The following PARP8 variants were observed in gnomAD, a reference collection of about 807,000 sequenced individuals.
The protein encoded by PARP8 is protein mono-ADP-ribosyltransferase PARP8.
In PARP8, 51 loss-of-function variants were observed where a neutral mutation model predicts 124.1. The observed-to-expected ratio is 0.41, with a 90% CI of 0.33 to 0.52. The LOEUF is 0.52. Among genes scored for constraint, PARP8 ranks in the 20% least tolerant of loss-of-function variants. The pLI is 0.21. For missense variants in PARP8, 860 were observed against 1,018.9 expected (o/e 0.84, Z 2.12); for synonymous variants, 391 against 361.5 (o/e 1.08, Z -0.93).
chr5:50,787,107 C>T (rs1174206433), intron 9 of PARP8, among the ~76,000 whole-genome samples: 2 of 152,148 alleles, frequency 1.3e-5, no homozygotes, highest in Middle Eastern at 3.2e-3. Context: ...ATCCTTAACT[C>T]TTCTTTTTTT....
intron 2 of PARP8, among the ~76,000 whole-genome samples, chr5:50,708,820 C>T (rs1347425338): frequency 1.3e-5 from 2 of 151,784 alleles, no homozygotes; most frequent in African/African-American, 4.8e-5. Flanking sequence ...TCTTACCCGT[C>T]AACCAGGCTG....
intron 2 of PARP8, among the ~76,000 whole-genome samples, chr5:50,744,100 T>C (rs951172671): frequency 5.3e-5 from 8 of 152,214 alleles, no homozygotes; most frequent in African/African-American, 1.7e-4. Flanking sequence ...TTATGGGCCC[T>C]GCTTGTAAAA....
chr5:50,781,154 A>G (rs1463240394), intron 9 of PARP8, among the ~76,000 whole-genome samples: 2 of 151,900 alleles, frequency 1.3e-5, no homozygotes, highest in South Asian at 2.1e-4. Context: ...GTTTTTTCCA[A>G]TCTGTCTTCT....
intron 2 of PARP8, among the ~76,000 whole-genome samples, chr5:50,682,998 C>T (rs1017919063): frequency 1.3e-5 from 2 of 151,858 alleles, no homozygotes; most frequent in Non-Finnish European, 2.9e-5. Flanking sequence ...GCCTTGGTCT[C>T]GGTATTTGTG....
At chr5:50,775,649 T>C (rs913743262) in intron 7 of PARP8, among the ~76,000 whole-genome samples, 5 of 152,264 alleles carry the variant, frequency 3.3e-5, no homozygotes, top group African/African-American at 1.2e-4. Context: ...ATTTTATTTT[T>C]CATAGCTGTT....
chr5:50,763,242 GGTAAATAA>G lies in PARP8; in HGVS notation c.518+4_518+11del. The stretch of plus-strand genomic sequence containing the variant: ...TATGGGCCACATGCAGTTTCTCTCA[GGTAAATAA>G]GTATCACTGGTGAATAAAATTAAAG... On this transcript the variant is annotated splice_donor_variant and splice_donor_5th_base_variant and intron_variant, in intron 7 of 25. Coordinates refer to ENST00000281631, the MANE Select transcript of PARP8 (RefSeq NM_024615.4). LOFTEE classifies it high-confidence loss of function. 1.3e-6 allele frequency: 2 copies of G among 1,592,988 alleles called. No individual in the cohort carries two copies. Among genetic ancestry groups the G allele is most frequent in the Non-Finnish European group, 1.7e-6 (2 of 1,161,054 alleles).
chr5:50,786,547 A>T (rs955770504), intron 9 of PARP8, among the ~76,000 whole-genome samples: 20 of 148,172 alleles, frequency 1.3e-4, no homozygotes, highest in African/African-American at 2.5e-4. Flanking sequence ...TTTTTTTTTT[A>T]AATAGAGATG....
intron 1 of PARP8, chr5:50,667,555 T>C (rs1288412030): frequency 5.7e-6 from 4 of 697,420 alleles, no homozygotes; most frequent in Non-Finnish European, 1.0e-5. Context: ...CGCAATGGGC[T>C]GAGCGGCGGC....
chr5:50,841,346 T>C (rs1417667604), intron 25 of PARP8, among the ~76,000 whole-genome samples: 1 of 151,916 alleles, frequency 6.6e-6, no homozygotes, highest in Non-Finnish European at 1.5e-5. Flanking sequence ...TAGTAATTGC[T>C]GTTCTTTAGT....
chr5:50,831,699 T>C (rs921044192), intron 22 of PARP8, among the ~76,000 whole-genome samples: 2 of 152,322 alleles, frequency 1.3e-5, no homozygotes, highest in East Asian at 3.9e-4. Context: ...ATTTTCTGTT[T>C]TTTATACTGG....
chr5:50,778,064 T>G lies in PARP8; in HGVS notation c.519-5T>G. The stretch of plus-strand genomic sequence containing the variant: ...GAAAAAAACAGTGTTAATTTTTGCT[T>G]TCAGGGAATATGGAGCCATTGATGA... On this transcript the variant is annotated splice_region_variant and splice_polypyrimidine_tract_variant and intron_variant, in intron 7 of 25. Transcript: ENST00000281631. 6.2e-7 allele frequency: 1 copy of G among 1,601,528 alleles called. No individual in the cohort carries two copies. Among genetic ancestry groups the G allele is most frequent in the Non-Finnish European group, 8.5e-7 (1 of 1,175,462 alleles).
chr5:50,677,841 A>G (rs1750812484), intron 2 of PARP8, among the ~76,000 whole-genome samples: 2 of 152,064 alleles, frequency 1.3e-5, no homozygotes, highest in African/African-American at 2.4e-5. Context: ...TCTGGGTTGC[A>G]TTTAGGGATA....
intron 2 of PARP8, among the ~76,000 whole-genome samples, chr5:50,693,577 G>A (rs1302838091): frequency 7.2e-6 from 1 of 138,062 alleles, no homozygotes; most frequent in Non-Finnish European, 1.7e-5. Context: ...AGGATATAAA[G>A]AAAGTAAAAC....
chr5:50,752,993 G>A (rs904235466), intron 3 of PARP8, among the ~76,000 whole-genome samples: 7 of 152,012 alleles, frequency 4.6e-5, no homozygotes, highest in Non-Finnish European at 8.8e-5. Context: ...GAGGGCCTTT[G>A]TTGAGTCAGC....
At chr5:50,771,548 A>T (rs976685843) in intron 7 of PARP8, among the ~76,000 whole-genome samples, 2 of 152,264 alleles carry the variant, frequency 1.3e-5, no homozygotes, top group African/African-American at 4.8e-5. Flanking sequence ...GGTCATAGAT[A>T]TCAAAAAGCA....
At chr5:50,804,692 A>G (rs1357034546) in intron 14 of PARP8, among the ~76,000 whole-genome samples, 3 of 152,142 alleles carry the variant, frequency 2.0e-5, no homozygotes, top group African/African-American at 7.2e-5. Flanking sequence ...TGTACGCGTA[A>G]TGTTAACATT....
intron 1 of PARP8, chr5:50,667,829 G>A: frequency 1.6e-6 from 2 of 1,228,364 alleles, no homozygotes. Context: ...TCCCCTATCG[G>A]GAAATTCCCG....
intron 2 of PARP8, among the ~76,000 whole-genome samples, chr5:50,723,641 A>G (rs1324528206): frequency 2.0e-5 from 3 of 152,096 alleles, no homozygotes; most frequent in African/African-American, 7.2e-5. Flanking sequence ...AATTAGAGGA[A>G]AAACTAAGTT....
At chr5:50,705,714 G>A (rs1754070965) in intron 2 of PARP8, among the ~76,000 whole-genome samples, 1 of 152,064 alleles carries the variant, frequency 6.6e-6, no homozygotes, top group South Asian at 2.1e-4. Context: ...GAACCAGGAG[G>A]CAAAGGTTGC....
Sources: allele counts gnomAD v4.1 joint callset (sites outside exome capture counted in the v4.1 genomes callset), GRCh38; gene constraint gnomAD v4.1.1; transcripts MANE v1.5; gene names NCBI Gene and HGNC (gene_info 2026-07-23, HGNC 2026-07-21).